The following C6orf132 variants were observed in gnomAD, a reference collection of about 807,000 sequenced individuals.
The protein encoded by C6orf132 is chromosome 6 open reading frame 132.
Under a neutral mutation model 65.3 loss-of-function variants are expected in C6orf132, and 43 were observed. The ratio of observed to expected loss-of-function variants is 0.66; its 90% confidence interval spans 0.52 to 0.85. The LOEUF is 0.85. C6orf132 is among the 40% of genes least tolerant of loss of function. C6orf132 has a pLI of 0.00. For missense variants in C6orf132, 1,488 were observed against 1,548.8 expected (o/e 0.96, Z 0.66); for synonymous variants, 631 against 654.1 (o/e 0.96, Z 0.54).
At position 42,124,629 on chromosome 6, in the gene C6orf132, G is replaced by A. The variant is rs767785778; in HGVS notation, c.252+4043C>T. ...ACAGTGTCAGGCAGGGCTAGGCACC[G>A]GCCCAGCTCCCCACCCACCCTGACT... is the stretch of plus-strand genomic sequence containing the variant. On this transcript the variant is annotated intron_variant, in intron 2 of 4. Coordinates refer to ENST00000341865, the MANE Select transcript of C6orf132 (RefSeq NM_001164446.3). The surrounding 1 kb of genome is among the most constrained non-coding windows in gnomAD (Gnocchi z 4.0). Among the ~76,000 whole-genome samples, 4 of 152,172 alleles carry A rather than the reference G, an allele frequency of 2.6e-5. No homozygotes were observed. The highest frequency in any genetic ancestry group is 5.9e-5 in the Non-Finnish European group (4 of 68,024).
At chr6:42,138,040 G>A (rs901019297) in intron 1 of C6orf132, among the ~76,000 whole-genome samples, 5 of 152,232 alleles carry the variant, frequency 3.3e-5, no homozygotes, top group Non-Finnish European at 5.9e-5. Context: ...GCCTGGCAAC[G>A]GATCGAGACT....
intron 1 of C6orf132, among the ~76,000 whole-genome samples, chr6:42,137,837 CGG>C (rs1217835716): frequency 8.0e-4 from 4 of 4,976 alleles, no homozygotes; most frequent in Non-Finnish European, 1.9e-3. Context: ...CGGGGCGGGG[CGG>C]GGCGGGGGAG....
chr6:42,105,874 T>C lies in C6orf132; in HGVS notation c.2038A>G (p.Thr680Ala), dbSNP rs1344174901. Residue 680 changes from threonine to alanine, a missense_variant, in exon 4 of 5, where the codon ACC becomes GCC. By Grantham distance (58) the Thr-to-Ala change is moderately conservative (BLOSUM62 0). Coordinates refer to ENST00000341865, the MANE Select transcript of C6orf132 (RefSeq NM_001164446.3). ...CCAGATGTGGCCTTGAGTGGTGTGG[T>C]TGGCCCAGATGTGGCCTTGAGTGGT... Reference protein sequence around the residue: ...ATPLKATSGPTTPLKATSGPA... With the variant: ...ATPLKATSGPATPLKATSGPA... The C allele has an allele frequency of 2.6e-6, 4 of 1,536,912 alleles. No individual in the cohort carries two copies. Among genetic ancestry groups the C allele is most frequent in the Admixed American group, 2.0e-5 (1 of 50,940 alleles).
intron 2 of C6orf132, among the ~76,000 whole-genome samples, chr6:42,118,899 A>T (rs1582275885): frequency 8.3e-6 from 1 of 120,166 alleles, no homozygotes. Context: ...TTTTAGAGAT[A>T]GGATCTCACT....
At position 42,106,131 on chromosome 6, in the gene C6orf132, C is replaced by A. The variant is rs1350247773; in HGVS notation, c.1781G>T (p.Arg594Leu). The A allele has an allele frequency of 1.3e-6, 2 of 1,537,218 alleles. No individual in the cohort carries two copies. The highest frequency in any genetic ancestry group is 2.0e-5 in the Admixed American group (1 of 50,992). Residue 594 changes from arginine to leucine, a missense_variant, in exon 4 of 5, where the codon CGG becomes CTG. Coordinates refer to ENST00000341865, the MANE Select transcript of C6orf132 (RefSeq NM_001164446.3). The stretch of plus-strand genomic sequence containing the variant: ...TTCACAAATTCTTCCCCCTTCTAGC[C>A]GAGGCTTAGGGGGCAGAGATCCTAT... ...PSIGSLPPKP[R>L]LEGGRICENG...
At chr6:42,109,471 G>T (rs1310569588) in intron 3 of C6orf132, among the ~76,000 whole-genome samples, 1 of 150,446 alleles carries the variant, frequency 6.6e-6, no homozygotes, top group Non-Finnish European at 1.5e-5. Flanking sequence ...GTCTGAGAAG[G>T]CCTCGCAGAG....
In C6orf132 at chr6:42,101,374, T is replaced by G. The variant is rs1177737687; in HGVS notation, c.*2387A>C. On this transcript the variant is annotated 3_prime_UTR_variant, in exon 5 of 5. Coordinates refer to ENST00000341865, the MANE Select transcript of C6orf132 (RefSeq NM_001164446.3). ...TTTCCTTCTTACTACTCCTTGTAAT[T>G]TATGATGTTTTTGTGTGCTTTTTCA... 1 of 152,214 alleles carries G rather than the reference T, an allele frequency of 6.6e-6. No homozygotes were observed. The highest frequency in any genetic ancestry group is 1.5e-5 in the Non-Finnish European group (1 of 68,058). The allele number at this position is 152,214 out of a possible 1,614,324, so 9.4% of individuals were successfully genotyped here.
At chr6:42,113,952 G>C (rs566496056) in intron 2 of C6orf132, among the ~76,000 whole-genome samples, 1 of 152,280 alleles carries the variant, frequency 6.6e-6, no homozygotes, top group East Asian at 1.9e-4. Context: ...ATTATATCTT[G>C]TAATCCTCTA....
chr6:42,111,625 A>C (rs1766496710), intron 2 of C6orf132, among the ~76,000 whole-genome samples: 2 of 151,660 alleles, frequency 1.3e-5, no homozygotes, highest in African/African-American at 4.9e-5. Flanking sequence ...TGGTTTCGTC[A>C]TGTCTCCCAG....
chr6:42,120,511 G>A (rs1291856832), intron 2 of C6orf132, among the ~76,000 whole-genome samples: 1 of 151,968 alleles, frequency 6.6e-6, no homozygotes, highest in Non-Finnish European at 1.5e-5. Flanking sequence ...CTCCCAAAGT[G>A]CTGGGATTAC....
rs1256324487 is a variant in C6orf132, at chr6:42,142,484, C to T, written c.-40G>A. The T allele has an allele frequency of 1.8e-5, 27 of 1,540,288 alleles. No individual in the cohort carries two copies. The highest frequency in any genetic ancestry group is 2.3e-5 in the Non-Finnish European group (26 of 1,141,846). ...CGCGGGCGCCAGGGAAGGACCTTCC[C>T]TCCCTCGCCCTGCCCTGCCCCGGAC... On this transcript the variant is annotated 5_prime_UTR_variant, in exon 1 of 5. Coordinates refer to ENST00000341865, the MANE Select transcript of C6orf132 (RefSeq NM_001164446.3).
At chr6:42,103,986 T>C (rs945275672) in intron 4 of C6orf132, 108 bp from the exon 5 acceptor site, 1 of 786,574 alleles carries the variant, frequency 1.3e-6, no homozygotes, top group African/African-American at 1.8e-5. Context: ...TACTTCTGTA[T>C]TTGCCCCGAC....
At chr6:42,126,018 G>A (rs1471732652) in intron 2 of C6orf132, among the ~76,000 whole-genome samples, 2 of 152,214 alleles carry the variant, frequency 1.3e-5, no homozygotes, top group Admixed American at 6.5e-5. Flanking sequence ...GGGCAGGACA[G>A]CAGGAGCCAC....
rs201040083 is a variant in C6orf132, at chr6:42,104,265, G to GAAC, written c.3449+197_3449+198insGTT. ...GACGAGAGGAGCTGGTGGGGAAAGA[G>GAAC]AAGGGAGGTCAGGAGGGAGGTCAGG... is the stretch of plus-strand genomic sequence containing the variant. On this transcript the variant is annotated intron_variant, in intron 4 of 4. Coordinates refer to ENST00000341865, the MANE Select transcript of C6orf132 (RefSeq NM_001164446.3). The surrounding 1 kb of genome is among the most constrained non-coding windows in gnomAD (Gnocchi z 4.1). Among the ~76,000 whole-genome samples, 2,381 of 152,362 alleles carry GAAC rather than the reference G, an allele frequency of 0.016. 70 individuals carry two copies. Among genetic ancestry groups the GAAC allele is most frequent in the African/African-American group, 0.055 (2,271 of 41,576 alleles).
intron 1 of C6orf132, among the ~76,000 whole-genome samples, chr6:42,136,949 C>T (rs1192575477): frequency 6.6e-6 from 1 of 152,276 alleles, no homozygotes; most frequent in East Asian, 1.9e-4. Flanking sequence ...CCTCGGCTTC[C>T]AAGCTAGGAC....
chr6:42,107,911 G>C (rs566194489), intron 3 of C6orf132, among the ~76,000 whole-genome samples: 1 of 152,160 alleles, frequency 6.6e-6, no homozygotes, highest in Non-Finnish European at 1.5e-5. Flanking sequence ...GGGGACAAGA[G>C]GGCCAGGGCA....
rs1211683911 is a variant in C6orf132 at position 42,106,707 on chromosome 6, G to A, written c.1205C>T (p.Pro402Leu). The A allele has an allele frequency of 5.3e-6, 5 of 935,392 alleles. No homozygotes were observed. Among genetic ancestry groups the A allele is most frequent in the African/African-American group, 5.3e-5 (3 of 57,054 alleles). 57.9% of individuals were successfully genotyped at this position (935,392 alleles called of 1,614,324 possible). Residue 402 changes from proline (P) to leucine (L), a missense_variant, in exon 4 of 5, where the codon CCC becomes CTC. Physicochemically the swap from Pro to Leu is moderately conservative, Grantham distance 98. Coordinates refer to ENST00000341865, the MANE Select transcript of C6orf132 (RefSeq NM_001164446.3). Reference sequence around the variant, plus strand: ...AAGTGGGGGTGCTGGGGGAGGGAGGGGGGGTGCAGGAGGGGGCAGGGGAGG... The same window carrying A: ...AAGTGGGGGTGCTGGGGGAGGGAGGAGGGGTGCAGGAGGGGGCAGGGGAGG... Reference protein sequence around the residue: ...PAPPLPPPAPPLPPPAPPLPP... With the variant: ...PAPPLPPPAPLLPPPAPPLPP...
At position 42,107,187 on chromosome 6, in the gene C6orf132, G is replaced by T; in HGVS notation, c.725C>A (p.Pro242His). The T allele has an allele frequency of 7.0e-7, 1 of 1,431,522 alleles. No individual in the cohort carries two copies. Among genetic ancestry groups the T allele is most frequent in the South Asian group, 1.5e-5 (1 of 66,766 alleles). The allele number at this position is 1,431,522 out of a possible 1,614,324, so 88.7% of individuals were successfully genotyped here. A position where few individuals can be genotyped will look rare whatever the true frequency, so the allele number is the denominator to read the frequency against. ...PAPAPPAPASPHTVGTRLFPP... is the reference protein window; with the variant it reads ...PAPAPPAPASHHTVGTRLFPP... Reference sequence around the variant, plus strand: ...AAAGAGACGAGTCCCCACTGTGTGAGGAGATGCTGGAGCTGGGGGTGCTGG... The same window carrying T: ...AAAGAGACGAGTCCCCACTGTGTGATGAGATGCTGGAGCTGGGGGTGCTGG... The change falls in exon 4 of 5, where the codon CCT (proline) becomes CAT (histidine). Residue 242 changes from proline (P) to histidine (H), a missense_variant. Coordinates refer to ENST00000341865, the MANE Select transcript of C6orf132 (RefSeq NM_001164446.3).
intron 1 of C6orf132, among the ~76,000 whole-genome samples, chr6:42,135,204 C>T (rs551137563): frequency 3.9e-5 from 6 of 152,328 alleles, no homozygotes; most frequent in Admixed American, 2.0e-4. Context: ...CTTTCTTGTT[C>T]GGGTTCACTC....
Sources: gnomAD v4.1 joint callset for allele counts (sites outside exome capture counted in the v4.1 genomes callset) on GRCh38, gnomAD v4.1.1 for gene constraint, Gnocchi (gnomAD v3.1) non-coding constraint, MANE v1.5 for transcripts, NCBI Gene and HGNC (gene_info 2026-07-23, HGNC 2026-07-21) for gene names.